DCDC1: variants seen among roughly 807,000 people sequenced by gnomAD.
The protein encoded by DCDC1 is doublecortin domain containing 1.
Under a neutral mutation model 178.3 loss-of-function variants are expected in DCDC1, and 200 were observed. The ratio of observed to expected loss-of-function variants is 1.12; its 90% confidence interval spans 1.00 to 1.26. DCDC1 has a LOEUF of 1.26. Among genes scored for constraint, DCDC1 ranks in the 50% most tolerant of loss-of-function variants. The probability of loss-of-function intolerance (pLI) is 0.00; values close to 1 mark genes in which losing one functional copy is unlikely to be tolerated. For missense variants in DCDC1, 1,983 were observed against 1,749.2 expected (o/e 1.13, Z -2.38); for synonymous variants, 690 against 604.8 (o/e 1.14, Z -2.07).
intron 20 of DCDC1, among the ~76,000 whole-genome samples, chr11:31,004,681 CAAAAAAAAA>C (rs201483189): frequency 1.7e-4 from 12 of 72,532 alleles, no homozygotes; most frequent in Middle Eastern, 0.013. Context: ...CACTCTGTCT[CAAAAAAAAA>C]AAAAAAAAAA....
At chr11:31,250,939 G>C (rs2136982470) in intron 8 of DCDC1, among the ~76,000 whole-genome samples, 1 of 152,072 alleles carries the variant, frequency 6.6e-6, no homozygotes, top group African/African-American at 2.4e-5. Context: ...ATTTTTAGCA[G>C]ACATGGGGTT....
At chr11:31,054,525 T>C (rs555348971) in intron 20 of DCDC1, among the ~76,000 whole-genome samples, 2 of 152,312 alleles carry the variant, frequency 1.3e-5, no homozygotes, top group Non-Finnish European at 2.9e-5. Context: ...AGAGCCCGTA[T>C]AGCCAAAACA....
intron 38 of DCDC1, among the ~76,000 whole-genome samples, chr11:30,877,065 T>C (rs750681979): frequency 1.1e-4 from 16 of 152,124 alleles, no homozygotes; most frequent in Non-Finnish European, 2.1e-4. Flanking sequence ...AAAGGGCAAA[T>C]TGCTGTTGAT....
chr11:30,924,743 T>G, intron 23 of DCDC1, among the ~76,000 whole-genome samples: 1 of 152,164 alleles, frequency 6.6e-6, no homozygotes, highest in East Asian at 1.9e-4. Context: ...AGTTTCTTCC[T>G]TAATTTCTAG....
intron 37 of DCDC1, among the ~76,000 whole-genome samples, chr11:30,879,522 G>T (rs542944709): frequency 4.5e-4 from 69 of 152,230 alleles, no homozygotes; most frequent in African/African-American, 1.5e-3. Flanking sequence ...TGAGACAATA[G>T]GAGGAAACCA....
At chr11:31,038,780 C>A (rs1954243361) in intron 20 of DCDC1, among the ~76,000 whole-genome samples, 1 of 151,744 alleles carries the variant, frequency 6.6e-6, no homozygotes, top group South Asian at 2.1e-4. Flanking sequence ...TATCCTCTAA[C>A]AACAGGACAG....
At chr11:31,365,532 T>C (rs1213740946) in intron 1 of DCDC1, among the ~76,000 whole-genome samples, 1 of 152,152 alleles carries the variant, frequency 6.6e-6, no homozygotes, top group African/African-American at 2.4e-5. Flanking sequence ...CTATATAATA[T>C]AGATATAGAT....
Position 31,095,053 on chromosome 11 carries a change from C to CT in DCDC1, c.1984-870dup, listed in dbSNP as rs57963743. Among the ~76,000 whole-genome samples, 2,820 of 152,172 alleles carry CT rather than the reference C, an allele frequency of 0.019. 260 individuals are homozygous for CT. In the East Asian group the frequency reaches 0.28, roughly 15 times the overall value. On this transcript the variant is annotated intron_variant, in intron 15 of 38. Coordinates refer to ENST00000684477, the MANE Select transcript of DCDC1 (RefSeq NM_001387274.1). The stretch of plus-strand genomic sequence containing the variant: ...GTGAGAACATGTGGTGTTTGGTTTT[C>CT]TGTTCTTGTGTTAGTTTGCTGAGAA...
intron 21 of DCDC1, among the ~76,000 whole-genome samples, chr11:30,939,307 T>G (rs939144531): frequency 1.3e-5 from 2 of 152,100 alleles, no homozygotes; most frequent in African/African-American, 4.8e-5. Flanking sequence ...ACCTCTCCCC[T>G]CTTGGCTGGA....
chr11:30,947,770 TAA>T (rs922471996), intron 21 of DCDC1, among the ~76,000 whole-genome samples: 1 of 151,672 alleles, frequency 6.6e-6, no homozygotes, highest in Admixed American at 6.6e-5. Context: ...ATCAACAAAG[TAA>T]AGAGACAACC....
At chr11:31,262,267 A>G (rs1413448561) in intron 8 of DCDC1, among the ~76,000 whole-genome samples, 2 of 119,916 alleles carry the variant, frequency 1.7e-5, no homozygotes, top group East Asian at 3.3e-4. Context: ...ACCTTGTCTC[A>G]GGAAAAAAAA....
At chr11:31,081,616 A>AAAAGAAAAG (rs1565258492) in intron 17 of DCDC1, among the ~76,000 whole-genome samples, 3 of 152,156 alleles carry the variant, frequency 2.0e-5, no homozygotes, top group African/African-American at 7.2e-5. Context: ...ATCTCAAAAA[A>AAAAGAAAAG]AAAAGAAAAG....
At chr11:31,169,115 C>T (rs1966892358) in intron 9 of DCDC1, among the ~76,000 whole-genome samples, 1 of 152,108 alleles carries the variant, frequency 6.6e-6, no homozygotes, top group South Asian at 2.1e-4. Flanking sequence ...CCATCATTGT[C>T]AGCAAACTAA....
intron 20 of DCDC1, among the ~76,000 whole-genome samples, chr11:31,062,206 G>A (rs140699195): frequency 1.4e-4 from 21 of 152,140 alleles, no homozygotes; most frequent in African/African-American, 4.6e-4. Flanking sequence ...TGAAAACCCA[G>A]GATAATAAGG....
intron 1 of DCDC1, among the ~76,000 whole-genome samples, chr11:31,348,822 T>C (rs985600633): frequency 2.0e-5 from 3 of 152,198 alleles, no homozygotes; most frequent in African/African-American, 7.2e-5. Flanking sequence ...ACACTTGATT[T>C]CTTCATTAAA....
intron 9 of DCDC1, among the ~76,000 whole-genome samples, chr11:31,181,110 T>C (rs1451761433): frequency 6.6e-6 from 1 of 152,182 alleles, no homozygotes; most frequent in East Asian, 1.9e-4. Context: ...AAGTTAAAAC[T>C]GGGCAGAGGC....
Position 30,931,885 on chromosome 11 carries a change from T to C in DCDC1, c.2783A>G (p.Lys928Arg). 2.5e-6 allele frequency: 4 copies of C among 1,613,130 alleles called. No individual in the cohort carries two copies. The highest frequency in any genetic ancestry group is 3.4e-6 in the Non-Finnish European group (4 of 1,179,426). ...SSPPMKKPICKTTEPYAPVRL... is the reference protein window; with the variant it reads ...SSPPMKKPICRTTEPYAPVRL... ...CACAGGGGCATATGGCTCTGTTGTC[T>C]TACAGATGGGTTTCTTCATGGGAGG... The change falls in exon 22 of 39, where the codon AAG (lysine) becomes AGG (arginine). Residue 928 changes from lysine to arginine, a missense_variant. By Grantham distance (26) the Lys-to-Arg change is conservative. Transcript: ENST00000684477.
chr11:31,093,672 G>A (rs1957952672), intron 16 of DCDC1, among the ~76,000 whole-genome samples: 1 of 152,190 alleles, frequency 6.6e-6, no homozygotes, highest in Non-Finnish European at 1.5e-5. Context: ...GTTGGTATAT[G>A]TTGGTAATCT....
intron 20 of DCDC1, among the ~76,000 whole-genome samples, chr11:30,968,601 T>G (rs1949578691): frequency 1.3e-5 from 2 of 149,360 alleles, no homozygotes; most frequent in Admixed American, 1.3e-4. Flanking sequence ...TATGTTTATA[T>G]AAGAAAAAAC....
Sources: allele counts gnomAD v4.1 joint callset (sites outside exome capture counted in the v4.1 genomes callset), GRCh38; gene constraint gnomAD v4.1.1; transcripts MANE v1.5; gene names NCBI Gene and HGNC (gene_info 2026-07-23, HGNC 2026-07-21).